Variants in KCNIP1 observed in about 807,000 individuals in gnomAD.
KCNIP1 encodes the protein A-type potassium channel modulatory protein KCNIP1.
A neutral mutation model predicts 33.0 loss-of-function variants in KCNIP1; 18 were observed. The observed-to-expected ratio is 0.55, with a 90% CI of 0.38 to 0.81. KCNIP1 has a LOEUF of 0.81. Among genes scored for constraint, KCNIP1 ranks in the 30% least tolerant of loss-of-function variants. The pLI is 0.00. For synonymous variants in KCNIP1, 93 were observed against 98.3 expected (o/e 0.95, Z 0.32); for missense variants, 238 against 271.6 (o/e 0.88, Z 0.87).
At chr5:170,523,980 C>T (rs1755473771) in intron 1 of KCNIP1, among the ~76,000 whole-genome samples, 1 of 152,142 alleles carries the variant, frequency 6.6e-6, no homozygotes, top group African/African-American at 2.4e-5. Flanking sequence ...TGTCTTGGCT[C>T]CTGCCTGTTC....
intron 1 of KCNIP1, among the ~76,000 whole-genome samples, chr5:170,384,363 G>A (rs1454669355): frequency 1.3e-5 from 2 of 152,224 alleles, no homozygotes; most frequent in Non-Finnish European, 2.9e-5. Flanking sequence ...TTGGAGAGCT[G>A]TGTTCTTTCC....
At chr5:170,676,635 A>C (rs1436266638) in intron 1 of KCNIP1, among the ~76,000 whole-genome samples, 1 of 152,238 alleles carries the variant, frequency 6.6e-6, no homozygotes, top group African/African-American at 2.4e-5. Context: ...GTACCTTACC[A>C]GGAGAACCAC....
chr5:170,682,446 G>GT (rs1431662943), intron 1 of KCNIP1, among the ~76,000 whole-genome samples: 1 of 152,158 alleles, frequency 6.6e-6, no homozygotes, highest in Non-Finnish European at 1.5e-5. Context: ...ATGTAAGGAT[G>GT]TTTTTTAGCT....
chr5:170,598,071 C>A (rs1005366674), intron 1 of KCNIP1, among the ~76,000 whole-genome samples: 1 of 152,106 alleles, frequency 6.6e-6, no homozygotes, highest in Non-Finnish European at 1.5e-5. Context: ...TACTTCAGAT[C>A]GGAACAAATC....
At chr5:170,367,363 AAG>A (rs1480469820) in intron 1 of KCNIP1, among the ~76,000 whole-genome samples, 1 of 97,096 alleles carries the variant, frequency 1.0e-5, no homozygotes, top group Non-Finnish European at 2.1e-5. Context: ...GAAAGAAAGA[AAG>A]AAAGAAAGAA....
At chr5:170,503,161 G>T (rs145551230), upstream of KCNIP1, among the ~76,000 whole-genome samples, 4 of 152,078 alleles carry the variant, frequency 2.6e-5, no homozygotes, top group African/African-American at 9.7e-5. Context: ...AGGCCAAGGC[G>T]GGTGGATCAC....
At chr5:170,386,422 A>T (rs1764474960) in intron 1 of KCNIP1, among the ~76,000 whole-genome samples, 1 of 152,164 alleles carries the variant, frequency 6.6e-6, no homozygotes, top group Non-Finnish European at 1.5e-5. Context: ...CTTCTGGTGA[A>T]ATTTCTGTCG....
chr5:170,640,859 A>C (rs1304001534), intron 1 of KCNIP1, among the ~76,000 whole-genome samples: 1 of 152,174 alleles, frequency 6.6e-6, no homozygotes, highest in Non-Finnish European at 1.5e-5. Context: ...TGGGATAAAC[A>C]GAATCGACTC....
chr5:170,359,338 T>C (rs2113283922), intron 1 of KCNIP1, among the ~76,000 whole-genome samples: 1 of 152,214 alleles, frequency 6.6e-6, no homozygotes, highest in African/African-American at 2.4e-5. Flanking sequence ...TTTACTGGAA[T>C]TGTCTGGGAA....
At chr5:170,622,571 G>A (rs938651644) in intron 1 of KCNIP1, among the ~76,000 whole-genome samples, 2 of 147,334 alleles carry the variant, frequency 1.4e-5, no homozygotes, top group African/African-American at 2.5e-5. Context: ...GCAGTGAGCC[G>A]AGATCGCGCC....
intron 1 of KCNIP1, among the ~76,000 whole-genome samples, chr5:170,368,556 C>A (rs1274785238): frequency 1.3e-5 from 2 of 152,188 alleles, no homozygotes; most frequent in African/African-American, 4.8e-5. Flanking sequence ...AGCCACCGTG[C>A]CCGGCCTAAA....
chr5:170,665,130 A>C (rs1320563920), intron 1 of KCNIP1, among the ~76,000 whole-genome samples: 3 of 152,158 alleles, frequency 2.0e-5, no homozygotes, highest in African/African-American at 7.2e-5. Flanking sequence ...TGGGTAATAA[A>C]ATGGGGCTTT....
intron 1 of KCNIP1, among the ~76,000 whole-genome samples, chr5:170,676,029 C>T (rs1443185477): frequency 7.6e-6 from 1 of 130,728 alleles, no homozygotes; most frequent in East Asian, 2.8e-4. Context: ...CTGTGAATAT[C>T]TAAGAAAAGA....
At chr5:170,369,383 A>G (rs1378664085) in intron 1 of KCNIP1, among the ~76,000 whole-genome samples, 2 of 152,176 alleles carry the variant, frequency 1.3e-5, no homozygotes, top group Non-Finnish European at 2.9e-5. Flanking sequence ...ATAGAAATCA[A>G]TTTATTAACC....
rs574151473 is a variant in KCNIP1, at chr5:170,360,098, G to A, written c.88+6134G>A. On this transcript the variant is annotated intron_variant, in intron 1 of 7. Coordinates refer to the KCNIP1 transcript ENST00000377360. ...CCCTGGGAGAAGTGGATCTAGTCAG[G>A]TCTTCATCAGCCTTCTAAGTCCAGG... Among the ~76,000 whole-genome samples, 307 of 152,334 alleles carry A rather than the reference G, an allele frequency of 2.0e-3. 1 individual carries two copies. Among genetic ancestry groups the A allele is most frequent in the Non-Finnish European group, 1.9e-3 (126 of 68,028 alleles).
chr5:170,588,101 C>G (rs1424904943), intron 1 of KCNIP1, among the ~76,000 whole-genome samples: 1 of 152,194 alleles, frequency 6.6e-6, no homozygotes, highest in Admixed American at 6.5e-5. Flanking sequence ...AGAGTGCAAT[C>G]TTTCAGTTTC....
Position 170,551,441 on chromosome 5 carries a change from C to G in KCNIP1, c.61+46808C>G, listed in dbSNP as rs78701517. 9.5e-3 allele frequency among the ~76,000 whole-genome samples: 1,452 copies of G among 152,308 alleles called. 7 individuals are homozygous for G. Among genetic ancestry groups the G allele is most frequent in the Non-Finnish European group, 0.014 (970 of 68,032 alleles). The stretch of plus-strand genomic sequence containing the variant: ...TGCAAACGTGCAGGGTAAATGCACC[C>G]CCATGGAGTGACAGCTATGCAGACC... On this transcript the variant is annotated intron_variant, in intron 1 of 7. Transcript: ENST00000328939.
At chr5:170,598,922 T>TGTGTGTGTGTGTGTGTGC (rs1758577857) in intron 1 of KCNIP1, among the ~76,000 whole-genome samples, 1 of 150,466 alleles carries the variant, frequency 6.6e-6, no homozygotes, top group African/African-American at 2.4e-5. Flanking sequence ...TGTGTGTGTG[T>TGTGTGTGTGTGTGTGTGC]GTGTGTGTGT....
At chr5:170,449,419 G>A (rs1756193096) in intron 1 of KCNIP1, among the ~76,000 whole-genome samples, 1 of 152,172 alleles carries the variant, frequency 6.6e-6, no homozygotes, top group Non-Finnish European at 1.5e-5. Flanking sequence ...AGGCCCAGAT[G>A]AGCACAATGT....
Sources: allele counts gnomAD v4.1 joint callset (sites outside exome capture counted in the v4.1 genomes callset), GRCh38; gene constraint gnomAD v4.1.1; transcripts MANE v1.5; gene names NCBI Gene and HGNC (gene_info 2026-07-23, HGNC 2026-07-21).